Variants in LYPD1 observed in about 807,000 individuals in gnomAD.
LYPD1 encodes the protein ly6/PLAUR domain-containing protein 1.
Under a neutral mutation model 14.2 loss-of-function variants are expected in LYPD1, and 14 were observed. The ratio of observed to expected loss-of-function variants is 0.99; its 90% CI spans 0.65 to 1.54. The LOEUF is 1.54. LYPD1 is among the 40% of genes most tolerant of loss of function. The pLI is 0.00. For missense variants in LYPD1, 165 were observed against 175.7 expected, an observed-to-expected ratio of 0.94 and a Z score of 0.34; for synonymous variants, 85 against 70.6, an observed-to-expected ratio of 1.20 and a Z score of -1.02.
At position 132,645,390 on chromosome 2, in the gene LYPD1, C is replaced by A. The variant is rs751907608; in HGVS notation, c.*655G>T. The A allele has an allele frequency of 1.2e-6, 2 of 1,613,752 alleles. No homozygotes were observed. The highest frequency in any genetic ancestry group is 1.7e-6 in the Non-Finnish European group (2 of 1,180,014). ...TGCGCGTACATGCGCACTCCACCAC[C>A]GACAGCGCCCGCTTTGTGCAGCGCC... On this transcript the variant is annotated 3_prime_UTR_variant, in exon 3 of 3. Coordinates refer to ENST00000397463, the MANE Select transcript of LYPD1 (RefSeq NM_144586.7).
chr2:132,653,908 G>A (rs1402529836), intron 2 of LYPD1, among the ~76,000 whole-genome samples: 2 of 152,212 alleles, frequency 1.3e-5, no homozygotes, highest in African/African-American at 4.8e-5. Flanking sequence ...ATCTGGACCA[G>A]TCCTCTTCAA....
At chr2:132,657,663 A>C (rs1396220142) in intron 2 of LYPD1, among the ~76,000 whole-genome samples, 1 of 152,228 alleles carries the variant, frequency 6.6e-6, no homozygotes, top group Non-Finnish European at 1.5e-5. Flanking sequence ...TTTGTATCTC[A>C]GCATTCAATG....
At chr2:132,666,878 C>T (rs1683300311) in intron 2 of LYPD1, 1 of 152,202 alleles carries the variant, frequency 6.6e-6, no homozygotes, top group Middle Eastern at 3.2e-3. Context: ...GCCTTGTGGA[C>T]TCTGAAGAAG....
intron 2 of LYPD1, among the ~76,000 whole-genome samples, chr2:132,664,702 G>A (rs980485810): frequency 1.3e-5 from 2 of 152,174 alleles, no homozygotes; most frequent in African/African-American, 4.8e-5. Context: ...AAATTGGCTA[G>A]TCTATAAAAA....
chr2:132,650,023 G>C (rs1387297248), intron 2 of LYPD1, among the ~76,000 whole-genome samples: 1 of 151,960 alleles, frequency 6.6e-6, no homozygotes, highest in Non-Finnish European at 1.5e-5. Context: ...AAAAAGACAA[G>C]TGAAACATTG....
At chr2:132,646,878 G>C (rs368470721) in intron 2 of LYPD1, among the ~76,000 whole-genome samples, 8 of 152,108 alleles carry the variant, frequency 5.3e-5, no homozygotes, top group Non-Finnish European at 1.2e-4. Flanking sequence ...AAGGAGAAAC[G>C]CTCTGTCGTC....
In LYPD1 at chr2:132,669,809, G is replaced by A; in HGVS notation, c.52+72C>T. 1.3e-6 allele frequency: 2 copies of A among 1,586,650 alleles called. No homozygotes were observed. Among genetic ancestry groups the A allele is most frequent in the African/African-American group, 1.4e-5 (1 of 73,200 alleles). ...GGCTGGCCCCGAGGTGGGCGCCTTG[G>A]GGGCAAAAGGGCTGGCGGGTAGATG... On this transcript the variant is annotated intron_variant, in intron 1 of 2. Coordinates refer to ENST00000397463, the MANE Select transcript of LYPD1 (RefSeq NM_144586.7). This position sits in a 1 kb window ranked among gnomAD's most constrained non-coding sequence, Gnocchi z 4.3.
chr2:132,662,463 T>C (rs191574762), intron 2 of LYPD1, among the ~76,000 whole-genome samples: 76 of 152,268 alleles, frequency 5.0e-4, no homozygotes, highest in Admixed American at 1.1e-3. Context: ...ACACTTTCCA[T>C]TGGACAAGTA....
rs772010994 is a variant in LYPD1, at chr2:132,646,036, CCTTCAG to C, written c.*3_*8del. 1.3e-6 allele frequency: 2 copies of C among 1,533,720 alleles called. No individual in the cohort carries two copies. Among genetic ancestry groups the C allele is most frequent in the Admixed American group, 2.0e-5 (1 of 50,638 alleles). On this transcript the variant is annotated 3_prime_UTR_variant, in exon 3 of 3. Coordinates refer to ENST00000397463, the MANE Select transcript of LYPD1 (RefSeq NM_144586.7). The stretch of plus-strand genomic sequence containing the variant: ...AACAATGCAGGAGGGGGTGGCATCT[CCTTCAG>C]CTTCAGCAGTGTGCCGAGAAGAGGG...
intron 2 of LYPD1, among the ~76,000 whole-genome samples, chr2:132,650,466 C>T (rs1004146974): frequency 6.6e-6 from 1 of 152,216 alleles, no homozygotes; most frequent in Middle Eastern, 3.4e-3. Flanking sequence ...TACGCATGTA[C>T]CCTACAGACA....
chr2:132,644,859 T>A lies in LYPD1; in HGVS notation c.*1186A>T. ...GACATCAACTGGTATAAATACACTG[T>A]CTAAAGCATTTAATGGTCTTTCTTT... is the stretch of plus-strand genomic sequence containing the variant. On this transcript the variant is annotated 3_prime_UTR_variant, in exon 3 of 3. Transcript: ENST00000397463. The A allele has an allele frequency of 3.6e-6, 2 of 554,858 alleles. No homozygotes were observed. Among genetic ancestry groups the A allele is most frequent in the South Asian group, 4.7e-5 (2 of 42,270 alleles). 34.4% of individuals were successfully genotyped at this position (554,858 alleles called of 1,614,324 possible).
chr2:132,644,305 G>A lies in LYPD1; in HGVS notation c.*1740C>T, dbSNP rs1224531745. 2.0e-5 allele frequency among the ~76,000 whole-genome samples: 3 copies of A among 152,186 alleles called. No homozygotes were observed. The highest frequency in any genetic ancestry group is 4.4e-5 in the Non-Finnish European group (3 of 68,042). On this transcript the variant is annotated 3_prime_UTR_variant, in exon 3 of 3. Coordinates refer to ENST00000397463, the MANE Select transcript of LYPD1 (RefSeq NM_144586.7). ...GGGCCTTTGAGTGGTCTCTTCTCTA[G>A]GGCCTGATTGCTTCTGGGCTGTTGA...
rs549817107 is a variant in LYPD1 at position 132,644,375 on chromosome 2, G to A, written c.*1670C>T. 6.6e-5 allele frequency among the ~76,000 whole-genome samples: 10 copies of A among 152,202 alleles called. No homozygotes were observed. The East Asian group carries it at 1.9e-3, about 29-fold the overall frequency. On this transcript the variant is annotated 3_prime_UTR_variant, in exon 3 of 3. Transcript: ENST00000397463. ...AAAGGAAGGGAACATGTTACTGGCT[G>A]AACTAGAAGGAAGTTTTATATTTGC...
chr2:132,670,991 G>A (rs529218432), upstream of LYPD1, among the ~76,000 whole-genome samples: 6 of 152,304 alleles, frequency 3.9e-5, no homozygotes, highest in African/African-American at 1.2e-4. The surrounding 1 kb of genome is among the most constrained non-coding windows in gnomAD (Gnocchi z 4.5). Context: ...GAGGAAGAGG[G>A]TTGTTCTCCT....
chr2:132,646,922 G>A (rs1331712003), intron 2 of LYPD1, among the ~76,000 whole-genome samples: 5 of 152,224 alleles, frequency 3.3e-5, no homozygotes, highest in East Asian at 3.9e-4. Context: ...CCAGTACCAC[G>A]CAGCTAGCAC....
chr2:132,647,262 A>C (rs1682148298), intron 2 of LYPD1, among the ~76,000 whole-genome samples: 1 of 152,210 alleles, frequency 6.6e-6, no homozygotes, highest in African/African-American at 2.4e-5. Flanking sequence ...GCCCAAGGTC[A>C]CATGAACAGG....
In LYPD1 at chr2:132,669,710, T is replaced by C. The variant is rs1036408315; in HGVS notation, c.52+171A>G. 183 of 1,354,466 alleles carry C rather than the reference T, an allele frequency of 1.4e-4. No homozygotes were observed. Among genetic ancestry groups the C allele is most frequent in the Non-Finnish European group, 1.6e-4 (169 of 1,030,186 alleles). 83.9% of individuals were successfully genotyped at this position (1,354,466 alleles called of 1,614,324 possible). On this transcript the variant is annotated intron_variant, in intron 1 of 2. Transcript: ENST00000397463. The surrounding 1 kb of genome is among the most constrained non-coding windows in gnomAD (Gnocchi z 4.3). ...CGCTCTCCTCCTGCAGCGCGGGACT[T>C]GGACACTTTCCCAGCCTCGCGCCCC... is the stretch of plus-strand genomic sequence containing the variant.
At chr2:132,659,897 A>G (rs531481852) in intron 2 of LYPD1, among the ~76,000 whole-genome samples, 3 of 152,222 alleles carry the variant, frequency 2.0e-5, no homozygotes, top group Non-Finnish European at 4.4e-5. Flanking sequence ...TACATTTTGC[A>G]TAAGTAATAG....
chr2:132,648,030 C>T (rs186360725), intron 2 of LYPD1, among the ~76,000 whole-genome samples: 1 of 152,296 alleles, frequency 6.6e-6, no homozygotes, highest in Admixed American at 6.5e-5. Flanking sequence ...AAGGCAGCTG[C>T]TCTGGTAAGA....
Sources: allele counts gnomAD v4.1 joint callset (sites outside exome capture counted in the v4.1 genomes callset), GRCh38; gene constraint gnomAD v4.1.1; non-coding constraint Gnocchi (gnomAD v3.1); transcripts MANE v1.5; gene names NCBI Gene and HGNC (gene_info 2026-07-23, HGNC 2026-07-21).